Variants in RTCA observed in about 807,000 individuals in gnomAD.
RTCA encodes RNA terminal phosphate cyclase domain 1.
A neutral mutation model predicts 46.1 loss-of-function variants in RTCA; 37 were observed. The ratio of observed to expected loss-of-function variants is 0.80; its 90% CI spans 0.62 to 1.06. RTCA has a LOEUF of 1.06. Ranked by LOEUF, RTCA falls within the 50% of genes least tolerant of loss-of-function variation. The pLI, the probability that RTCA is intolerant of heterozygous loss-of-function variation, is 0.00. For synonymous variants in RTCA, 164 were observed against 158.3 expected (o/e 1.04, Z -0.27); for missense variants, 435 against 455.5 (o/e 0.95, Z 0.41).
chr1:100,281,821 A>G (rs866691894), intron 8 of RTCA, among the ~76,000 whole-genome samples: 1 of 151,916 alleles, frequency 6.6e-6, no homozygotes, highest in South Asian at 2.1e-4. Context: ...TGTTCAAGCA[A>G]TCCTCCCACC....
rs117200290 is a variant in RTCA, at chr1:100,283,352, G to A, written c.800-1876G>A. 7.3e-3 allele frequency among the ~76,000 whole-genome samples: 1,109 copies of A among 151,504 alleles called. 11 individuals carry two copies. Among genetic ancestry groups the A allele is most frequent in the South Asian group, 0.031 (150 of 4,790 alleles). Reference sequence around the variant, plus strand: ...TGCCTGGCTAATTTTTGTATTTTTAGTATTTCACCATGTTGGCCAGTCTGG... The same window carrying A: ...TGCCTGGCTAATTTTTGTATTTTTAATATTTCACCATGTTGGCCAGTCTGG... On this transcript the variant is annotated intron_variant, in intron 8 of 10. Transcript: ENST00000370128.
intron 8 of RTCA, among the ~76,000 whole-genome samples, chr1:100,281,943 T>C (rs913820637): frequency 3.9e-5 from 6 of 152,178 alleles, no homozygotes; most frequent in African/African-American, 1.4e-4. Flanking sequence ...TTCGAACTCC[T>C]GACCTCAAGT....
chr1:100,275,578 T>C (rs778595697), intron 6 of RTCA, 21 bp from the exon 7 acceptor site: 1 of 1,573,606 alleles, frequency 6.4e-7, no homozygotes, highest in Non-Finnish European at 8.6e-7. Flanking sequence ...TTTATTCTAT[T>C]TTTCTGTCTT....
intron 10 of RTCA, among the ~76,000 whole-genome samples, 160 bp from the exon 11 acceptor site, chr1:100,291,243 C>T (rs1278960795): frequency 1.3e-5 from 2 of 151,962 alleles, no homozygotes; most frequent in African/African-American, 4.8e-5. Context: ...TATCTTGAGG[C>T]TATTAAGTTT....
Position 100,273,378 on chromosome 1 carries a change from A to G in RTCA, c.415-16A>G. ...ATATTGCTGATTAACCTAATGATAA[A>G]AACTGATTTTTTCAGGTCTTCAAGC... On this transcript the variant is annotated splice_polypyrimidine_tract_variant and intron_variant, in intron 4 of 10. Coordinates refer to ENST00000370128, the MANE Select transcript of RTCA (RefSeq NM_003729.4). 6.5e-7 allele frequency: 1 copy of G among 1,540,294 alleles called. No homozygotes were observed. The highest frequency in any genetic ancestry group is 8.9e-7 in the Non-Finnish European group (1 of 1,127,694).
At chr1:100,270,291 T>C (rs911161905) in intron 3 of RTCA, among the ~76,000 whole-genome samples, 5 of 152,212 alleles carry the variant, frequency 3.3e-5, no homozygotes, top group African/African-American at 9.6e-5. Context: ...ACACAGCTAA[T>C]GTGTTTAGTT....
intron 8 of RTCA, 71 bp from the exon 9 acceptor site, chr1:100,285,157 C>T: frequency 7.3e-7 from 1 of 1,374,832 alleles, no homozygotes; most frequent in South Asian, 1.2e-5. Flanking sequence ...ATATACCAAA[C>T]TTTTTGTCTC....
chr1:100,285,263 G>A lies in RTCA; in HGVS notation c.835G>A (p.Glu279Lys), dbSNP rs975597716. 9 of 1,613,692 alleles carry A rather than the reference G, an allele frequency of 5.6e-6. No individual in the cohort carries two copies. The highest frequency in any genetic ancestry group is 3.3e-5 in the South Asian group (3 of 91,056). ...NADKVGIEAAEMLLANLRHGG... is the reference protein window; with the variant it reads ...NADKVGIEAAKMLLANLRHGG... ...AGACAAAGTTGGAATTGAAGCTGCCGAAATGCTATTAGCAAATCTTAGACA... is the reference window on the plus strand; with the variant it reads ...AGACAAAGTTGGAATTGAAGCTGCCAAAATGCTATTAGCAAATCTTAGACA... The change falls in exon 9 of 11, where the codon GAA (glutamate) becomes AAA (lysine). Residue 279 changes from glutamate (E) to lysine (K), a missense_variant. Physicochemically the swap from Glu to Lys is moderately conservative, Grantham distance 56 (BLOSUM62 1). Transcript: ENST00000370128.
At chr1:100,287,816 CAG>C (rs1667111155) in intron 10 of RTCA, among the ~76,000 whole-genome samples, 1 of 136,474 alleles carries the variant, frequency 7.3e-6, no homozygotes, top group African/African-American at 2.8e-5. Context: ...TTTTTTGAGA[CAG>C]GGTCTCACAC....
chr1:100,267,246 G>C (rs1037607366), intron 2 of RTCA: 8 of 396,702 alleles, frequency 2.0e-5, no homozygotes, highest in Admixed American at 8.2e-5. Flanking sequence ...TGATTGCTTT[G>C]TATGTATTCT....
chr1:100,282,702 A>G (rs984788294), intron 8 of RTCA, among the ~76,000 whole-genome samples: 5 of 131,304 alleles, frequency 3.8e-5, no homozygotes, highest in African/African-American at 8.7e-5. Flanking sequence ...AAGTGGCAGT[A>G]TGCCACAAAA....
At position 100,283,940 on chromosome 1, in the gene RTCA, AAAAAAAAAAGAAAAAAC is replaced by A. The variant is rs1570888883; in HGVS notation, c.800-1285_800-1269del. On this transcript the variant is annotated intron_variant, in intron 8 of 10. Coordinates refer to ENST00000370128, the MANE Select transcript of RTCA (RefSeq NM_003729.4). ...TAGTCGCTAAAAAAAAAAAAGAAAA[AAAAAAAAAAGAAAAAAC>A]AAGAAAAAACAAGAAAAACAAAGAA... Among the ~76,000 whole-genome samples, 6 of 142,224 alleles carry A rather than the reference AAAAAAAAAAGAAAAAAC, an allele frequency of 4.2e-5. No individual in the cohort carries two copies. In the East Asian group the frequency reaches 8.1e-4, roughly 19 times the overall value. The allele number at this position is 142,224 out of a possible 152,430, so 93.3% of individuals were successfully genotyped here. A position where few individuals can be genotyped will look rare whatever the true frequency, so the allele number is the denominator to read the frequency against.
chr1:100,277,488 A>G (rs1666460608), intron 8 of RTCA, among the ~76,000 whole-genome samples, 172 bp downstream of exon 8: 1 of 152,228 alleles, frequency 6.6e-6, no homozygotes, highest in South Asian at 2.1e-4. Flanking sequence ...CCACCTTTAT[A>G]CTTTGGAAAA....
Position 100,291,415 on chromosome 1 carries a change from G to A in RTCA, c.1012G>A (p.Val338Met). The A allele has an allele frequency of 6.2e-7, 1 of 1,608,168 alleles. No individual in the cohort carries two copies. The highest frequency in any genetic ancestry group is 8.5e-7 in the Non-Finnish European group (1 of 1,176,442). The stretch of plus-strand genomic sequence containing the variant: ...CTTCTGATTTCAGGCTAAATTTATT[G>A]TGAAGAAATCAGAAGATGAAGAAGA... ...AEQIAKAKFI[V>M]KKSEDEEDAA... The change falls in exon 11 of 11, where the codon GTG (valine) becomes ATG (methionine). Residue 338 changes from valine (V) to methionine (M), a missense_variant. By Grantham distance (21) the Val-to-Met change is conservative. Coordinates refer to ENST00000370128, the MANE Select transcript of RTCA (RefSeq NM_003729.4).
chr1:100,281,431 G>A lies in RTCA; in HGVS notation c.800-3797G>A, dbSNP rs1276480517. 7 of 414,144 alleles carry A rather than the reference G, an allele frequency of 1.7e-5. No homozygotes were observed. In the East Asian group the frequency reaches 4.3e-4, roughly 26 times the overall value. 25.7% of individuals were successfully genotyped at this position (414,144 alleles called of 1,614,324 possible). ...CTTATCTGAAAAATGATATTGGACC[G>A]TGATTGTGATCTATGTTTAAGGATC... On this transcript the variant is annotated intron_variant, in intron 8 of 10. Transcript: ENST00000370128.
At chr1:100,278,948 A>AT in intron 8 of RTCA, among the ~76,000 whole-genome samples, 1 of 152,360 alleles carries the variant, frequency 6.6e-6, no homozygotes, top group East Asian at 1.9e-4. Context: ...CATTTTAACA[A>AT]ACTTTCCAGG....
At chr1:100,282,932 G>A (rs1024879982) in intron 8 of RTCA, among the ~76,000 whole-genome samples, 2 of 152,060 alleles carry the variant, frequency 1.3e-5, no homozygotes, top group African/African-American at 4.8e-5. Flanking sequence ...ACAGACTCCC[G>A]AGTAGCTGGA....
chr1:100,266,402 T>TGGCA lies in RTCA; in HGVS notation c.29_32dup (p.Ser11ArgfsTer55). On this transcript the variant is annotated frameshift_variant, in exon 1 of 11. Coordinates refer to ENST00000370128, the MANE Select transcript of RTCA (RefSeq NM_003729.4). LOFTEE classifies it high-confidence loss of function. The stretch of plus-strand genomic sequence containing the variant: ...TGGCGGGGCCGCGGGTGGAGGTCGA[T>TGGCA]GGCAGCATCATGGAAGGGGTGAGTA... 1 of 1,612,356 alleles carries TGGCA rather than the reference T, an allele frequency of 6.2e-7. No individual in the cohort carries two copies.
intron 10 of RTCA, 101 bp downstream of exon 10, chr1:100,287,304 A>G (rs1235902860): frequency 6.7e-6 from 5 of 742,828 alleles, no homozygotes; most frequent in South Asian, 2.4e-5. Context: ...CATAATTGCT[A>G]TCACTGTTTC....
Sources: gnomAD v4.1 joint callset for allele counts (sites outside exome capture counted in the v4.1 genomes callset) on GRCh38, gnomAD v4.1.1 for gene constraint, MANE v1.5 for transcripts, NCBI Gene and HGNC (gene_info 2026-07-23, HGNC 2026-07-21) for gene names.